Variants in SPOCK1 observed in about 807,000 individuals in gnomAD.
The protein encoded by SPOCK1 is SPARC (osteonectin), cwcv and kazal like domains proteoglycan 1.
Under a neutral mutation model 55.3 loss-of-function variants are expected in SPOCK1, and 23 were observed. That is an observed-to-expected ratio of 0.42 (90% CI 0.30 to 0.59). The LOEUF is 0.59. SPOCK1 is among the 20% of genes least tolerant of loss of function. SPOCK1 has a pLI of 0.22. For missense variants in SPOCK1, 499 were observed against 552.5 expected, an observed-to-expected ratio of 0.90 and a Z score of 0.97; for synonymous variants, 226 against 221.0, an observed-to-expected ratio of 1.02 and a Z score of -0.20.
intron 6 of SPOCK1, among the ~76,000 whole-genome samples, chr5:136,994,337 A>G (rs1751002695): frequency 6.6e-6 from 1 of 152,164 alleles, no homozygotes; most frequent in African/African-American, 2.4e-5. Flanking sequence ...ACTTCTCAGG[A>G]GTCGCGCTGG....
At position 137,498,439 on chromosome 5, in the gene SPOCK1, G is replaced by T; in HGVS notation, c.120C>A (p.Asp40Glu). Residue 40 changes from aspartate to glutamate, a missense_variant, in exon 2 of 11, where the codon GAC becomes GAA. By Grantham distance (45) the Asp-to-Glu change is conservative. Coordinates refer to ENST00000394945, the MANE Select transcript of SPOCK1 (RefSeq NM_004598.4). ...GAGPNHGNFLDNDQWLSTVSQ... is the reference protein window; with the variant it reads ...GAGPNHGNFLENDQWLSTVSQ... ...AGACGGTGCTCAGCCACTGGTCATT[G>T]TCTAGGAAATTGCCGTGGTTGGGGC... 1 of 1,611,380 alleles carries T rather than the reference G, an allele frequency of 6.2e-7. No individual in the cohort carries two copies. The highest frequency in any genetic ancestry group is 8.5e-7 in the Non-Finnish European group (1 of 1,179,094).
chr5:137,349,761 C>T (rs1396076762), intron 2 of SPOCK1, among the ~76,000 whole-genome samples: 2 of 152,170 alleles, frequency 1.3e-5, no homozygotes, highest in Non-Finnish European at 2.9e-5. Flanking sequence ...TCTGTGTCTT[C>T]ACACTCTTCT....
chr5:137,498,328 C>T (rs1277458835), intron 2 of SPOCK1, 45 bp downstream of exon 2: 3 of 1,522,968 alleles, frequency 2.0e-6, no homozygotes, highest in Admixed American at 4.2e-5. Flanking sequence ...GGGTCCCCTC[C>T]GAGAGGCTCC....
intron 2 of SPOCK1, among the ~76,000 whole-genome samples, chr5:137,293,726 T>G: frequency 6.6e-6 from 1 of 152,352 alleles, no homozygotes; most frequent in Admixed American, 6.5e-5. Flanking sequence ...AATAAAACTT[T>G]CAACGATGCA....
intron 4 of SPOCK1, among the ~76,000 whole-genome samples, chr5:137,123,099 G>T (rs547148119): frequency 6.6e-6 from 1 of 152,174 alleles, no homozygotes; most frequent in Admixed American, 6.5e-5. Flanking sequence ...AGACATTAGT[G>T]GTGGGTCATT....
intron 2 of SPOCK1, among the ~76,000 whole-genome samples, chr5:137,355,785 T>C (rs1750778580): frequency 6.6e-6 from 1 of 152,052 alleles, no homozygotes; most frequent in Non-Finnish European, 1.5e-5. Context: ...CCTCTCCTTC[T>C]CTGGCTCAGA....
rs183673926 is a variant in SPOCK1, at chr5:137,170,057, A to G, written c.233-29363T>C. On this transcript the variant is annotated intron_variant, in intron 3 of 10. Transcript: ENST00000394945. ...TCAGTATCCATGAGGAATTTGTTCC[A>G]GGACCCTTGCAGATCCCAAAATCTA... 2.8e-3 allele frequency among the ~76,000 whole-genome samples: 428 copies of G among 152,318 alleles called. 1 individual carries two copies. Among genetic ancestry groups the G allele is most frequent in the African/African-American group, 5.3e-3 (220 of 41,574 alleles).
chr5:137,246,281 A>C (rs992562760), intron 3 of SPOCK1, among the ~76,000 whole-genome samples: 3 of 152,360 alleles, frequency 2.0e-5, no homozygotes, highest in Middle Eastern at 3.4e-3. Context: ...CTGGGGTAAT[A>C]GTAACCATTT....
At chr5:137,261,384 C>CA (rs1252127550) in intron 3 of SPOCK1, among the ~76,000 whole-genome samples, 1 of 152,146 alleles carries the variant, frequency 6.6e-6, no homozygotes, top group Non-Finnish European at 1.5e-5. Context: ...GTTCCAGAAA[C>CA]ACAGCTGGAA....
At chr5:137,252,783 A>G (rs1756560677) in intron 3 of SPOCK1, among the ~76,000 whole-genome samples, 1 of 152,186 alleles carries the variant, frequency 6.6e-6, no homozygotes, top group Non-Finnish European at 1.5e-5. Context: ...ATGCACTTCA[A>G]TTTTCAAACA....
At chr5:137,059,989 T>C (rs1368895088) in intron 6 of SPOCK1, among the ~76,000 whole-genome samples, 1 of 152,196 alleles carries the variant, frequency 6.6e-6, no homozygotes, top group Non-Finnish European at 1.5e-5. Context: ...AACACTTATA[T>C]ACTGCTGATG....
chr5:137,083,249 T>C (rs1752904294), intron 5 of SPOCK1, among the ~76,000 whole-genome samples: 1 of 152,200 alleles, frequency 6.6e-6, no homozygotes, highest in Non-Finnish European at 1.5e-5. Flanking sequence ...GATGTCACTG[T>C]GAGCTCACAG....
chr5:137,096,823 GT>G (rs781629121), intron 5 of SPOCK1, among the ~76,000 whole-genome samples: 7 of 152,326 alleles, frequency 4.6e-5, no homozygotes, highest in Non-Finnish European at 7.3e-5. Context: ...CCAGGTTAGT[GT>G]GAATTGGTGT....
chr5:137,007,362 A>G lies in SPOCK1; in HGVS notation c.590-14762T>C, dbSNP rs527643794. Among the ~76,000 whole-genome samples the G allele has an allele frequency of 2.6e-3, 394 of 152,270 alleles. 11 individuals carry two copies. The highest frequency in any genetic ancestry group is 6.8e-3 in the Middle Eastern group (2 of 294). On this transcript the variant is annotated intron_variant, in intron 6 of 10. Coordinates refer to ENST00000394945, the MANE Select transcript of SPOCK1 (RefSeq NM_004598.4). Reference sequence around the variant, plus strand: ...AACCTATCATCAGAGTGAACAGGAAATCTACAGAATGGGAGAAAATTTTTG... The same window carrying G: ...AACCTATCATCAGAGTGAACAGGAAGTCTACAGAATGGGAGAAAATTTTTG...
intron 6 of SPOCK1, among the ~76,000 whole-genome samples, chr5:137,045,470 C>G (rs372787448): frequency 6.4e-5 from 1 of 15,518 alleles, no homozygotes; most frequent in African/African-American, 2.7e-4. Context: ...TCATGTCCTT[C>G]GCCCACTTTT....
intron 6 of SPOCK1, among the ~76,000 whole-genome samples, chr5:137,051,206 T>A (rs1467771661): frequency 1.3e-5 from 2 of 152,236 alleles, no homozygotes; most frequent in African/African-American, 4.8e-5. Flanking sequence ...AGTTTTCCTA[T>A]TATACCCCAA....
At chr5:137,351,884 C>T (rs1379412956) in intron 2 of SPOCK1, among the ~76,000 whole-genome samples, 2 of 152,210 alleles carry the variant, frequency 1.3e-5, no homozygotes, top group Non-Finnish European at 2.9e-5. Context: ...GCATGAATCC[C>T]AGCTCAGCCT....
In SPOCK1 at chr5:137,025,826, G is replaced by T. The variant is rs76767863; in HGVS notation, c.590-33226C>A. On this transcript the variant is annotated intron_variant, in intron 6 of 10. Transcript: ENST00000394945. Reference sequence around the variant, plus strand: ...GAGGTCAGCCAGCAATAAAACCGAGGTTAAAATCTAAATCTGAGTCCAAAC... The same window carrying T: ...GAGGTCAGCCAGCAATAAAACCGAGTTTAAAATCTAAATCTGAGTCCAAAC... 1.1e-3 allele frequency among the ~76,000 whole-genome samples: 170 copies of T among 152,290 alleles called. 1 individual carries two copies. The East Asian group carries it at 0.028, about 25-fold the overall frequency.
chr5:137,277,022 A>AT lies in SPOCK1; in HGVS notation c.187-9968dup, dbSNP rs371576200. On this transcript the variant is annotated intron_variant, in intron 2 of 10. Transcript: ENST00000394945. ...TCATCGTAATAATAGCAGCTACCACATTTTTTTTTTAATAGACAGGGTCTT... is the reference window on the plus strand; with the variant it reads ...TCATCGTAATAATAGCAGCTACCACATTTTTTTTTTTAATAGACAGGGTCTT... Among the ~76,000 whole-genome samples the AT allele has an allele frequency of 5.3e-3, 793 of 149,618 alleles. 4 individuals are homozygous for AT. The highest frequency in any genetic ancestry group is 0.018 in the African/African-American group (739 of 40,966).
Sources: allele counts gnomAD v4.1 joint callset (sites outside exome capture counted in the v4.1 genomes callset), GRCh38; gene constraint gnomAD v4.1.1; transcripts MANE v1.5; gene names NCBI Gene and HGNC (gene_info 2026-07-23, HGNC 2026-07-21).